Variants in CEMIP2 observed in about 807,000 individuals in gnomAD.
CEMIP2 encodes the protein cell surface hyaluronidase CEMIP2.
In CEMIP2, 79 loss-of-function variants were observed where a neutral mutation model predicts 146.9. The ratio of observed to expected loss-of-function variants is 0.54; its 90% CI spans 0.45 to 0.65. The LOEUF (loss-of-function observed/expected upper bound fraction) is 0.65, where lower values mean the gene tolerates loss of function less well. Among genes scored for constraint, CEMIP2 ranks in the 30% least tolerant of loss-of-function variants. CEMIP2 has a pLI of 0.00. For missense variants in CEMIP2, 1,596 were observed against 1,696.2 expected (o/e 0.94, Z 1.04); for synonymous variants, 601 against 606.3 (o/e 0.99, Z 0.13).
At chr9:71,762,526 A>AAAAAAC in intron 1 of CEMIP2, among the ~76,000 whole-genome samples, 1 of 145,620 alleles carries the variant, frequency 6.9e-6, no homozygotes, top group Admixed American at 6.9e-5. Flanking sequence ...AAAAAAAAAA[A>AAAAAAC]CTGGCTAGCA....
chr9:71,750,653 G>C (rs961979452), intron 1 of CEMIP2, among the ~76,000 whole-genome samples: 58 of 150,946 alleles, frequency 3.8e-4, no homozygotes, highest in African/African-American at 1.4e-3. Flanking sequence ...CTCCATGTAG[G>C]TTAGGCTGGT....
At chr9:71,730,299 T>C (rs1823579298) in intron 8 of CEMIP2, 46 bp from the exon 9 acceptor site, 1 of 1,581,054 alleles carries the variant, frequency 6.3e-7, no homozygotes, top group South Asian at 1.1e-5. Flanking sequence ...CAAGAATGAT[T>C]GTGATTTAAG....
chr9:71,720,990 C>T (rs905405845), intron 12 of CEMIP2, among the ~76,000 whole-genome samples: 1 of 151,982 alleles, frequency 6.6e-6, no homozygotes, highest in Non-Finnish European at 1.5e-5. Flanking sequence ...ATTGTCAAGT[C>T]TAATTAAAAC....
chr9:71,704,183 A>C (rs1822658635), intron 18 of CEMIP2, among the ~76,000 whole-genome samples: 1 of 152,198 alleles, frequency 6.6e-6, no homozygotes, highest in South Asian at 2.1e-4. Flanking sequence ...TCTTGCCCCT[A>C]GCAGGCATTA....
chr9:71,700,870 A>G (rs1399814503), intron 18 of CEMIP2, 46 bp from the exon 19 acceptor site: 1 of 1,546,396 alleles, frequency 6.5e-7, no homozygotes, highest in Non-Finnish European at 8.8e-7. Context: ...TTCAGCCATT[A>G]TCTGTTAAGT....
intron 12 of CEMIP2, among the ~76,000 whole-genome samples, chr9:71,721,140 G>A (rs906902459): frequency 2.6e-5 from 4 of 151,918 alleles, no homozygotes; most frequent in African/African-American, 9.7e-5. Context: ...AACCAATTGT[G>A]TTTATGGATT....
chr9:71,722,073 G>T (rs2307007), intron 12 of CEMIP2, among the ~76,000 whole-genome samples: 14,628 of 152,210 alleles, frequency 0.096, 760 homozygotes, highest in Admixed American at 0.14. Context: ...TTTCAAGGAT[G>T]AGACTAAACA....
rs564457607 is a variant in CEMIP2 at position 71,725,825 on chromosome 9, T to C, written c.2050-116A>G. 2.7e-4 allele frequency: 313 copies of C among 1,139,866 alleles called. 1 individual carries two copies. In the South Asian group the frequency reaches 5.2e-3, roughly 19 times the overall value. 70.6% of individuals were successfully genotyped at this position (1,139,866 alleles called of 1,614,324 possible). A position where few individuals can be genotyped will look rare whatever the true frequency, so the allele number is the denominator to read the frequency against. On this transcript the variant is annotated intron_variant, in intron 10 of 23. Coordinates refer to ENST00000377044, the MANE Select transcript of CEMIP2 (RefSeq NM_013390.3). ...TAATCTTTTTCACCCAAATTTTTCATTATTGCAGGTTCAGAATTGACAATA... is the reference window on the plus strand; with the variant it reads ...TAATCTTTTTCACCCAAATTTTTCACTATTGCAGGTTCAGAATTGACAATA...
intron 1 of CEMIP2, among the ~76,000 whole-genome samples, chr9:71,755,337 C>T (rs1445880733): frequency 9.6e-6 from 1 of 104,216 alleles, no homozygotes. Context: ...TAGTGAGACA[C>T]CCTGTCTCTA....
In CEMIP2 at chr9:71,690,178, A is replaced by T. The variant is rs1275511020; in HGVS notation, c.3765T>A (p.Val1255=). 2 of 1,614,186 alleles carry T rather than the reference A, an allele frequency of 1.2e-6. No homozygotes were observed. The highest frequency in any genetic ancestry group is 3.3e-5 in the Admixed American group (2 of 60,022). The change falls in exon 22 of 24, where the codon GTT becomes GTA. Residue 1255 remains valine, a synonymous_variant. Coordinates refer to ENST00000377044, the MANE Select transcript of CEMIP2 (RefSeq NM_013390.3). ...CCGTTTTTTCCGTCAAGCGGAATGG[A>T]ACGCTGCACGGATCCACAACAAGGA... ...VLLLVVDPCS[V]PFRLTEKTVF...
rs143019758 is a variant in CEMIP2 at position 71,730,622 on chromosome 9, A to T, written c.1773+83T>A. On this transcript the variant is annotated intron_variant, in intron 8 of 23. Transcript: ENST00000377044. Reference sequence around the variant, plus strand: ...CAAGGCATGTGGCTAAACAGTTTACATATATAAAATTGAGAAGACATGAGA... The same window carrying T: ...CAAGGCATGTGGCTAAACAGTTTACTTATATAAAATTGAGAAGACATGAGA... 5 of 1,393,120 alleles carry T rather than the reference A, an allele frequency of 3.6e-6. No homozygotes were observed. The South Asian group carries it at 6.4e-5, about 18-fold the overall frequency. 86.3% of individuals were successfully genotyped at this position (1,393,120 alleles called of 1,614,324 possible).
chr9:71,754,241 A>G (rs567509655), intron 1 of CEMIP2, among the ~76,000 whole-genome samples: 1 of 152,334 alleles, frequency 6.6e-6, no homozygotes, highest in East Asian at 1.9e-4. Context: ...TAAAGAAAAT[A>G]AAATAAATCA....
At chr9:71,694,253 G>T (rs1822322397) in intron 21 of CEMIP2, among the ~76,000 whole-genome samples, 1 of 151,816 alleles carries the variant, frequency 6.6e-6, no homozygotes. Flanking sequence ...CTCCCGAGTA[G>T]CTGGGACTAC....
chr9:71,731,399 G>A (rs532836668), intron 7 of CEMIP2, among the ~76,000 whole-genome samples: 2 of 152,210 alleles, frequency 1.3e-5, no homozygotes, highest in South Asian at 2.1e-4. Flanking sequence ...ATTTTCAATC[G>A]TATTACTAAC....
At chr9:71,716,174 A>G in intron 14 of CEMIP2, among the ~76,000 whole-genome samples, 1 of 152,134 alleles carries the variant, frequency 6.6e-6, no homozygotes, top group South Asian at 2.1e-4. Context: ...GCAGCTTCTA[A>G]GAAAGCAAAT....
intron 19 of CEMIP2, chr9:71,699,539 A>G: frequency 2.9e-6 from 1 of 346,520 alleles, no homozygotes; most frequent in South Asian, 2.3e-5. Context: ...TAAGCTGATA[A>G]CACTGGCTGG....
At chr9:71,702,355 G>A (rs892311872) in intron 18 of CEMIP2, among the ~76,000 whole-genome samples, 1 of 148,184 alleles carries the variant, frequency 6.7e-6, no homozygotes, top group Non-Finnish European at 1.5e-5. Context: ...ACAAAAGATA[G>A]AAAAGATGTT....
intron 7 of CEMIP2, among the ~76,000 whole-genome samples, chr9:71,731,708 G>T (rs969072155): frequency 6.7e-6 from 1 of 148,700 alleles, no homozygotes; most frequent in Admixed American, 6.8e-5. Context: ...CTCCATCCTG[G>T]GTGACAGAAT....
intron 11 of CEMIP2, among the ~76,000 whole-genome samples, chr9:71,725,006 C>T (rs753528871): frequency 2.5e-4 from 38 of 152,104 alleles, no homozygotes; most frequent in African/African-American, 8.7e-4. Context: ...TCAGGTTACA[C>T]GTGCATGTAT....
Sources: allele counts gnomAD v4.1 joint callset (sites outside exome capture counted in the v4.1 genomes callset), GRCh38; gene constraint gnomAD v4.1.1; transcripts MANE v1.5; gene names NCBI Gene and HGNC (gene_info 2026-07-23, HGNC 2026-07-21).